Variants in SLX4 observed in about 807,000 individuals in gnomAD.
The protein encoded by SLX4 is structure-specific endonuclease subunit SLX4.
In SLX4, 112 loss-of-function variants were observed where a neutral mutation model predicts 146.2. The observed-to-expected ratio is 0.77, with a 90% CI of 0.66 to 0.90. SLX4 has a LOEUF of 0.90. Among genes scored for constraint, SLX4 ranks in the 40% least tolerant of loss-of-function variants. The pLI, the probability that SLX4 is intolerant of heterozygous loss-of-function variation, is 0.00. For synonymous variants in SLX4, 1,061 were observed against 997.7 expected (o/e 1.06, Z -1.20); for missense variants, 2,563 against 2,392.7 (o/e 1.07, Z -1.49).
chr16:3,590,774 T>C lies in SLX4; in HGVS notation c.2864A>G (p.His955Arg), dbSNP rs143694260. Reference protein sequence around the residue: ...EQEAPEEALGHSSCSSPSRDC... With the variant: ...EQEAPEEALGRSSCSSPSRDC... ...CCTGGAAGGGCTGGAGCAGCTGGAATGGCCAAGCGCCTCCTCTGGCGCCTC... is the reference window on the plus strand; with the variant it reads ...CCTGGAAGGGCTGGAGCAGCTGGAACGGCCAAGCGCCTCCTCTGGCGCCTC... The change falls in exon 12 of 15, where the codon CAT becomes CGT. Residue 955 changes from histidine (H) to arginine (R), a missense_variant. Coordinates refer to ENST00000294008, the MANE Select transcript of SLX4 (RefSeq NM_032444.4). This position sits in a 1 kb window ranked among gnomAD's most constrained non-coding sequence, Gnocchi z 4.8. The C allele has an allele frequency of 2.2e-5, 35 of 1,613,936 alleles. No individual in the cohort carries two copies. Among genetic ancestry groups the C allele is most frequent in the Non-Finnish European group, 2.9e-5 (34 of 1,180,030 alleles).
chr16:3,609,216 G>A lies in SLX4; in HGVS notation c.-252C>T. On this transcript the variant is annotated 5_prime_UTR_variant, in exon 2 of 15. Coordinates refer to ENST00000294008, the MANE Select transcript of SLX4 (RefSeq NM_032444.4). The stretch of plus-strand genomic sequence containing the variant: ...GAGGTCAGAAGTTCGAGACCAGCCT[G>A]GCCAATATGGTGAAACCTCGTTTCA... 1 of 430,612 alleles carries A rather than the reference G, an allele frequency of 2.3e-6. No individual in the cohort carries two copies. The highest frequency in any genetic ancestry group is 2.4e-5 in the South Asian group (1 of 40,978). The allele number at this position is 430,612 out of a possible 1,614,324, so 26.7% of individuals were successfully genotyped here.
rs556217576 is a variant in SLX4, at chr16:3,582,635, C to A, written c.5212G>T (p.Gly1738Trp). ...GCTGCCTGCGAGGCACTGACCTCCCCCTCGCCCTCCTCTTCACCTGCAGAC... is the reference window on the plus strand; with the variant it reads ...GCTGCCTGCGAGGCACTGACCTCCCACTCGCCCTCCTCTTCACCTGCAGAC... ...FESAGEEEGE[G>W]EVSASQAAVQ... Residue 1738 changes from glycine (G) to tryptophan (W), a missense_variant, in exon 15 of 15, where the codon GGG (glycine) becomes TGG (tryptophan). Gly to Trp is a radical substitution (Grantham distance 184). Transcript: ENST00000294008. 1.4e-4 allele frequency: 230 copies of A among 1,613,520 alleles called. 1 individual carries two copies. In the South Asian group the frequency reaches 2.0e-3, roughly 14 times the overall value.
chr16:3,585,533 C>T (rs2040498014), intron 12 of SLX4, among the ~76,000 whole-genome samples: 1 of 148,796 alleles, frequency 6.7e-6, no homozygotes, highest in Non-Finnish European at 1.5e-5. Flanking sequence ...TTGCAGTGAG[C>T]CGAGATCACA....
Position 3,601,178 on chromosome 16 carries a change from C to T in SLX4, c.964G>A (p.Ala322Thr), listed in dbSNP as rs764696088. 6.8e-6 allele frequency: 11 copies of T among 1,613,986 alleles called. No homozygotes were observed. The highest frequency in any genetic ancestry group is 3.3e-5 in the Admixed American group (2 of 59,996). The change falls in exon 5 of 15, where the codon GCT (alanine) becomes ACT (threonine). Residue 322 changes from alanine to threonine, a missense_variant. Ala to Thr is a moderately conservative substitution (Grantham distance 58). Transcript: ENST00000294008. ...EQHVNRCLDE[A>T]EKTLRPSVPQ... Reference sequence around the variant, plus strand: ...ACAGAAGGTCTTAGTGTCTTTTCAGCTTCATCCAAGCACCTGAAGGAAAAC... The same window carrying T: ...ACAGAAGGTCTTAGTGTCTTTTCAGTTTCATCCAAGCACCTGAAGGAAAAC...
chr16:3,603,623 G>A (rs2040752204), intron 3 of SLX4, among the ~76,000 whole-genome samples: 2 of 152,244 alleles, frequency 1.3e-5, no homozygotes, highest in African/African-American at 4.8e-5. Context: ...ATTAGCTGTA[G>A]GTCTGCCGAT....
rs1347556534 is a variant in SLX4 at position 3,589,474 on chromosome 16, T to A, written c.4164A>T (p.Pro1388=). ...CTCCGACTTCCACCACTTCACCCGC[T>A]GGGGTCTGGTTCAGGAAGCTTGGCC... ...PPGPSFLNQT[P]AGEVVEVGDS... The change falls in exon 12 of 15, where the codon CCA becomes CCT. Residue 1388 remains proline (P), a synonymous_variant. Transcript: ENST00000294008. This position sits in a 1 kb window ranked among gnomAD's most constrained non-coding sequence, Gnocchi z 6.2. 6.2e-7 allele frequency: 1 copy of A among 1,608,798 alleles called. No individual in the cohort carries two copies. The highest frequency in any genetic ancestry group is 8.5e-7 in the Non-Finnish European group (1 of 1,176,000).
chr16:3,607,201 C>T (rs557725013), intron 2 of SLX4, among the ~76,000 whole-genome samples: 3 of 152,226 alleles, frequency 2.0e-5, no homozygotes, highest in East Asian at 1.9e-4. Flanking sequence ...TTTGCAGATA[C>T]GCGCATGGAT....
At chr16:3,592,114 G>A (rs556265172) in intron 11 of SLX4, among the ~76,000 whole-genome samples, 19 of 152,390 alleles carry the variant, frequency 1.2e-4, no homozygotes, top group Admixed American at 2.0e-4. Context: ...TCTGTGGCCC[G>A]TCAGTATATT....
intron 12 of SLX4, among the ~76,000 whole-genome samples, chr16:3,587,956 G>A (rs1406584137): frequency 6.6e-6 from 1 of 152,172 alleles, no homozygotes; most frequent in Non-Finnish European, 1.5e-5. Flanking sequence ...CGAGGGGGCC[G>A]ACACCTGGGG....
At chr16:3,610,819 TC>T (rs2040855142) in intron 1 of SLX4, among the ~76,000 whole-genome samples, 1 of 152,136 alleles carries the variant, frequency 6.6e-6, no homozygotes, top group African/African-American at 2.4e-5. Flanking sequence ...TGCAAAGAGT[TC>T]GGTATAATGG....
chr16:3,584,380 C>T (rs759959088), intron 13 of SLX4, among the ~76,000 whole-genome samples: 1 of 152,054 alleles, frequency 6.6e-6, no homozygotes, highest in Non-Finnish European at 1.5e-5. Context: ...GGGACTGCGC[C>T]ACTGCACTCC....
rs77306735 is a variant in SLX4 at position 3,608,543 on chromosome 16, C to A, written c.422G>T (p.Gly141Val). 454 of 1,614,138 alleles carry A rather than the reference C, an allele frequency of 2.8e-4. No homozygotes were observed. The African/African-American group carries it at 5.3e-3, about 19-fold the overall frequency. ...SEPAHSVNGE[G>V]GVLASAPDPP... Reference sequence around the variant, plus strand: ...ATCTGGAGCAGAGGCAAGCACACCCCCCTCCCCATTCACAGAGTGGGCCGG... The same window carrying A: ...ATCTGGAGCAGAGGCAAGCACACCCACCTCCCCATTCACAGAGTGGGCCGG... The change falls in exon 2 of 15, where the codon GGG becomes GTG. Residue 141 changes from glycine (G) to valine (V), a missense_variant. Gly to Val is a moderately radical substitution (Grantham distance 109). Transcript: ENST00000294008.
At chr16:3,604,736 C>G (rs1004694543) in intron 3 of SLX4, among the ~76,000 whole-genome samples, 5 of 150,542 alleles carry the variant, frequency 3.3e-5, no homozygotes, top group Non-Finnish European at 7.4e-5. Context: ...AGGAGAATGG[C>G]TTGAACCCAG....
chr16:3,597,759 A>T lies in SLX4; in HGVS notation c.1366+38T>A. On this transcript the variant is annotated intron_variant, in intron 6 of 14. Transcript: ENST00000294008. This position sits in a 1 kb window ranked among gnomAD's most constrained non-coding sequence, Gnocchi z 4.4. ...CGGTCCACTCACCCGGGACCTGCTGATGGCCTCTCCCAGGGTCACTCTTCT... is the reference window on the plus strand; with the variant it reads ...CGGTCCACTCACCCGGGACCTGCTGTTGGCCTCTCCCAGGGTCACTCTTCT... 6.2e-7 allele frequency: 1 copy of T among 1,614,036 alleles called. No homozygotes were observed. The highest frequency in any genetic ancestry group is 8.5e-7 in the Non-Finnish European group (1 of 1,179,972).
At chr16:3,587,969 C>G (rs1184833669) in intron 12 of SLX4, among the ~76,000 whole-genome samples, 6 of 152,180 alleles carry the variant, frequency 3.9e-5, no homozygotes, top group African/African-American at 1.4e-4. Flanking sequence ...ACCTGGGGCT[C>G]TGACTCTCCC....
intron 3 of SLX4, among the ~76,000 whole-genome samples, chr16:3,604,819 C>CAAAA (rs35214951): frequency 0.068 from 7,140 of 105,680 alleles, 197 homozygotes; most frequent in Admixed American, 0.076. Flanking sequence ...GACTCCATCT[C>CAAAA]AAAAAAAAAA....
intron 12 of SLX4, among the ~76,000 whole-genome samples, chr16:3,586,789 G>C (rs2040512981): frequency 6.6e-6 from 1 of 150,784 alleles, no homozygotes; most frequent in South Asian, 2.1e-4. Flanking sequence ...CTGCACTCTA[G>C]CCTGGGCAAC....
rs555913040 is a variant in SLX4 at position 3,591,165 on chromosome 16, C to A, written c.2473G>T (p.Asp825Tyr). The A allele has an allele frequency of 3.7e-6, 6 of 1,614,234 alleles. No individual in the cohort carries two copies. The African/African-American group carries it at 5.3e-5, about 14-fold the overall frequency. The change falls in exon 12 of 15, where the codon GAT becomes TAT. Residue 825 changes from aspartate (D) to tyrosine (Y), a missense_variant. By Grantham distance (160) the Asp-to-Tyr change is radical (BLOSUM62 -3). Coordinates refer to ENST00000294008, the MANE Select transcript of SLX4 (RefSeq NM_032444.4). ...AAAGTCTCCGCTTCCTCCTCTTCAT[C>A]TGCCCACATTGACCTCAAGAGTTCC... Reference protein sequence around the residue: ...FQELLRSMWADEEEEAETLLK... With the variant: ...FQELLRSMWAYEEEEAETLLK...
Position 3,608,938 on chromosome 16 carries a change from C to G in SLX4, c.27G>C (p.Gln9His). MKLSVNEA[Q>H]LGFYLGSLSH... Reference sequence around the variant, plus strand: ...AAAGTGAACCCAAGTAGAAGCCTAGCTGAGCCTCATTCACACTCAGTTTCA... The same window carrying G: ...AAAGTGAACCCAAGTAGAAGCCTAGGTGAGCCTCATTCACACTCAGTTTCA... Residue 9 changes from glutamine (Q) to histidine (H), a missense_variant, in exon 2 of 15, where the codon CAG becomes CAC. Coordinates refer to ENST00000294008, the MANE Select transcript of SLX4 (RefSeq NM_032444.4). 2 of 1,613,890 alleles carry G rather than the reference C, an allele frequency of 1.2e-6. No individual in the cohort carries two copies. The highest frequency in any genetic ancestry group is 1.7e-6 in the Non-Finnish European group (2 of 1,180,024).
Sources: allele counts gnomAD v4.1 joint callset (sites outside exome capture counted in the v4.1 genomes callset), GRCh38; gene constraint gnomAD v4.1.1; non-coding constraint Gnocchi (gnomAD v3.1); transcripts MANE v1.5; gene names NCBI Gene and HGNC (gene_info 2026-07-23, HGNC 2026-07-21).